Variants in TRIM24 observed in about 807,000 individuals in gnomAD.
TRIM24 encodes the protein tripartite motif containing 24.
Under a neutral mutation model 123.9 loss-of-function variants are expected in TRIM24, and 29 were observed. The ratio of observed to expected loss-of-function variants is 0.23; its 90% CI spans 0.17 to 0.32. The LOEUF is 0.32. TRIM24 is among the 10% of genes least tolerant of loss of function. The pLI, the probability that TRIM24 is intolerant of heterozygous loss-of-function variation, is 1.00. For missense variants in TRIM24, 932 were observed against 1,295.3 expected, an observed-to-expected ratio of 0.72 and a Z score of 4.31; for synonymous variants, 456 against 461.1, an observed-to-expected ratio of 0.99 and a Z score of 0.14.
chr7:138,525,905 T>C (rs1223076002), intron 5 of TRIM24, among the ~76,000 whole-genome samples: 1 of 152,204 alleles, frequency 6.6e-6, no homozygotes, highest in Non-Finnish European at 1.5e-5. Flanking sequence ...AAGAAAATCA[T>C]CAACTGTCCA....
chr7:138,511,010 A>G (rs562578547), intron 2 of TRIM24, among the ~76,000 whole-genome samples: 11 of 152,310 alleles, frequency 7.2e-5, no homozygotes, highest in African/African-American at 2.6e-4. Flanking sequence ...TATTATGTTA[A>G]TGTACAATTT....
chr7:138,525,384 T>G, intron 5 of TRIM24, 27 bp downstream of exon 5: 1 of 1,247,012 alleles, frequency 8.0e-7, no homozygotes, highest in Non-Finnish European at 1.1e-6. Flanking sequence ...ATGTAATCAT[T>G]TTTATATAAT....
chr7:138,493,172 A>C (rs1229481232), intron 1 of TRIM24, among the ~76,000 whole-genome samples: 1 of 152,116 alleles, frequency 6.6e-6, no homozygotes, highest in Non-Finnish European at 1.5e-5. Context: ...AGTTTCTTTT[A>C]TCTCACTGAG....
In TRIM24 at chr7:138,538,742, A is replaced by G; in HGVS notation, c.1082A>G (p.His361Arg). 6.2e-7 allele frequency: 1 copy of G among 1,614,068 alleles called. No homozygotes were observed. The highest frequency in any genetic ancestry group is 1.7e-5 in the Admixed American group (1 of 60,012). ...GLSKQLEHVM[H>R]FSKWAVSSGS... Reference sequence around the variant, plus strand: ...TCTAAACAATTGGAGCATGTCATGCATTTTTCTAAATGGGCAGTTTCCAGT... The same window carrying G: ...TCTAAACAATTGGAGCATGTCATGCGTTTTTCTAAATGGGCAGTTTCCAGT... Residue 361 changes from histidine to arginine, a missense_variant, in exon 7 of 19, where the codon CAT becomes CGT. His to Arg is a conservative substitution (Grantham distance 29, BLOSUM62 0). Transcript: ENST00000343526.
At chr7:138,490,391 G>A (rs1216691714) in intron 1 of TRIM24, among the ~76,000 whole-genome samples, 1 of 152,102 alleles carries the variant, frequency 6.6e-6, no homozygotes, top group African/African-American at 2.4e-5. Context: ...GCTTTGTTCC[G>A]TTGCTGGCGA....
At chr7:138,501,396 A>G (rs566755614) in intron 1 of TRIM24, among the ~76,000 whole-genome samples, 42 of 151,636 alleles carry the variant, frequency 2.8e-4, no homozygotes, top group African/African-American at 9.4e-4. Context: ...GCACCCGGCC[A>G]ATTTGTGTAT....
intron 1 of TRIM24, among the ~76,000 whole-genome samples, chr7:138,492,298 A>AAAG (rs58762010): frequency 2.7e-5 from 4 of 148,738 alleles, no homozygotes; most frequent in Non-Finnish European, 5.9e-5. Flanking sequence ...AAAAAAAAAA[A>AAAG]GGGAAAGAAA....
At chr7:138,520,051 G>A (rs1469537591) in intron 4 of TRIM24, among the ~76,000 whole-genome samples, 1 of 152,218 alleles carries the variant, frequency 6.6e-6, no homozygotes, top group East Asian at 1.9e-4. Context: ...TATATGAAAT[G>A]CTAGAGCAAA....
At chr7:138,486,273 C>G (rs2116488296) in intron 1 of TRIM24, among the ~76,000 whole-genome samples, 1 of 151,954 alleles carries the variant, frequency 6.6e-6, no homozygotes, top group East Asian at 1.9e-4. Context: ...AAATTTTTTC[C>G]CATTCTGTAG....
intron 2 of TRIM24, among the ~76,000 whole-genome samples, chr7:138,508,690 T>TGTGTGCGCGCGCGC (rs1796207332): frequency 9.4e-6 from 1 of 106,094 alleles, no homozygotes; most frequent in Non-Finnish European, 2.1e-5. Flanking sequence ...TGTGTGTGTG[T>TGTGTGCGCGCGCGC]GTGCGCGCGC....
chr7:138,568,142 A>G (rs1797573707), intron 10 of TRIM24, among the ~76,000 whole-genome samples: 1 of 151,764 alleles, frequency 6.6e-6, no homozygotes, highest in East Asian at 1.9e-4. Context: ...TTTTTGAGAC[A>G]GAGTCTCTCT....
chr7:138,529,107 A>C lies in TRIM24; in HGVS notation c.882-9A>C. 6.7e-7 allele frequency: 1 copy of C among 1,497,808 alleles called. No individual in the cohort carries two copies. The highest frequency in any genetic ancestry group is 9.0e-7 in the Non-Finnish European group (1 of 1,112,672). 92.8% of individuals were successfully genotyped at this position (1,497,808 alleles called of 1,614,324 possible). A position where few individuals can be genotyped will look rare whatever the true frequency, so the allele number is the denominator to read the frequency against. The stretch of plus-strand genomic sequence containing the variant: ...ACTGCCTTATGTTTTTCCCCGTTTT[A>C]ATTTTCAGAATTATTGAAGTAAATC... On this transcript the variant is annotated splice_polypyrimidine_tract_variant and intron_variant, in intron 5 of 18. Coordinates refer to ENST00000343526, the MANE Select transcript of TRIM24 (RefSeq NM_015905.3).
intron 1 of TRIM24, among the ~76,000 whole-genome samples, chr7:138,496,730 G>T (rs568354495): frequency 8.8e-4 from 134 of 151,950 alleles, no homozygotes; most frequent in Non-Finnish European, 1.1e-3. Flanking sequence ...TGAACTCCAG[G>T]CCTGTAGTGA....
intron 14 of TRIM24, among the ~76,000 whole-genome samples, chr7:138,578,563 T>TGTGCGCGCGCGC (rs145011901): frequency 6.9e-6 from 1 of 145,088 alleles, no homozygotes; most frequent in East Asian, 2.0e-4. Context: ...TGTGTGTGTG[T>TGTGCGCGCGCGC]GCGCGCACGC....
intron 1 of TRIM24, among the ~76,000 whole-genome samples, chr7:138,481,927 A>G (rs1170264529): frequency 6.6e-6 from 1 of 152,158 alleles, no homozygotes; most frequent in Non-Finnish European, 1.5e-5. Context: ...GTTGCAGTCC[A>G]GTTTCACTTT....
At chr7:138,531,486 C>T (rs1403222390) in intron 6 of TRIM24, among the ~76,000 whole-genome samples, 3 of 151,416 alleles carry the variant, frequency 2.0e-5, no homozygotes, top group Admixed American at 6.6e-5. Context: ...TTTGTCCCTG[C>T]GATAGTTTGC....
At chr7:138,544,782 T>C (rs895414747) in intron 7 of TRIM24, among the ~76,000 whole-genome samples, 8 of 152,252 alleles carry the variant, frequency 5.3e-5, no homozygotes, top group African/African-American at 1.9e-4. Context: ...GGAACATCTT[T>C]TCATATGCCT....
rs528809409 is a variant in TRIM24, at chr7:138,487,228, G to C, written c.365-17062G>C. On this transcript the variant is annotated intron_variant, in intron 1 of 18. Coordinates refer to ENST00000343526, the MANE Select transcript of TRIM24 (RefSeq NM_015905.3). ...TGCTGAAGTTGCTTATCAGCTTAAG[G>C]AGATTTTGGACTGAGACAATGGGGT... Among the ~76,000 whole-genome samples the C allele has an allele frequency of 2.6e-5, 4 of 152,294 alleles. No individual in the cohort carries two copies. In the South Asian group the frequency reaches 8.3e-4, roughly 32 times the overall value.
intron 7 of TRIM24, among the ~76,000 whole-genome samples, chr7:138,543,072 A>T (rs1278293959): frequency 6.6e-6 from 1 of 152,248 alleles, no homozygotes; most frequent in Non-Finnish European, 1.5e-5. Context: ...AGACACATTC[A>T]TGCAATCAGA....
Sources: gnomAD v4.1 joint callset for allele counts (sites outside exome capture counted in the v4.1 genomes callset) on GRCh38, gnomAD v4.1.1 for gene constraint, MANE v1.5 for transcripts, NCBI Gene and HGNC (gene_info 2026-07-23, HGNC 2026-07-21) for gene names.